CACNA2D3: variants seen among roughly 807,000 people sequenced by gnomAD.
CACNA2D3 encodes the protein voltage-dependent calcium channel subunit alpha-2/delta-3.
Under a neutral mutation model 160.6 loss-of-function variants are expected in CACNA2D3, and 60 were observed. The ratio of observed to expected loss-of-function variants is 0.37; its 90% confidence interval spans 0.30 to 0.46. The LOEUF (loss-of-function observed/expected upper bound fraction) is 0.46, where lower values mean the gene tolerates loss of function less well. Among genes scored for constraint, CACNA2D3 ranks in the 20% least tolerant of loss-of-function variants. The pLI is 1.00. For missense variants in CACNA2D3, 1,205 were observed against 1,365.0 expected (o/e 0.88, Z 1.85); for synonymous variants, 558 against 492.9 (o/e 1.13, Z -1.75).
intron 31 of CACNA2D3, among the ~76,000 whole-genome samples, chr3:54,994,663 A>G (rs1384099460): frequency 6.6e-6 from 1 of 152,228 alleles, no homozygotes; most frequent in African/African-American, 2.4e-5. Context: ...TATTCCAGGC[A>G]GTTAACATGC....
chr3:54,472,132 G>A (rs939288839), intron 4 of CACNA2D3, among the ~76,000 whole-genome samples: 4 of 152,116 alleles, frequency 2.6e-5, no homozygotes, highest in South Asian at 2.1e-4. Context: ...GATGAACATC[G>A]ATGCAAAAAT....
chr3:54,479,772 A>T (rs1700903072), intron 4 of CACNA2D3, among the ~76,000 whole-genome samples: 1 of 152,226 alleles, frequency 6.6e-6, no homozygotes, highest in African/African-American at 2.4e-5. Context: ...ATGTGGCCAA[A>T]CACTTGAAAG....
At chr3:54,596,338 A>C (rs1483900406) in intron 9 of CACNA2D3, among the ~76,000 whole-genome samples, 1 of 152,090 alleles carries the variant, frequency 6.6e-6, no homozygotes, top group African/African-American at 2.4e-5. Context: ...ATGTGCTTCC[A>C]CATGAAGCAG....
chr3:54,267,258 T>G (rs6445635), intron 2 of CACNA2D3, among the ~76,000 whole-genome samples: 2 of 151,940 alleles, frequency 1.3e-5, no homozygotes, highest in African/African-American at 4.8e-5. Flanking sequence ...AGTGTGATAT[T>G]TGAGGTATGG....
At position 54,171,136 on chromosome 3, in the gene CACNA2D3, C is replaced by CTTT. The variant is rs57761171; in HGVS notation, c.204+47562_204+47564dup. ...TCTGTTTACATTTTAAAGATGATGA[C>CTTT]TTTTTTTTTTTTTTTTTTTTTTAGG... On this transcript the variant is annotated intron_variant, in intron 2 of 37. Coordinates refer to ENST00000474759, the MANE Select transcript of CACNA2D3 (RefSeq NM_018398.3). Among the ~76,000 whole-genome samples the CTTT allele has an allele frequency of 4.3e-3, 269 of 62,538 alleles. 26 individuals carry two copies. Among genetic ancestry groups the CTTT allele is most frequent in the African/African-American group, 0.013 (230 of 18,046 alleles). 41.0% of individuals were successfully genotyped at this position (62,538 alleles called of 152,430 possible).
At chr3:54,170,479 G>C (rs958197314) in intron 2 of CACNA2D3, among the ~76,000 whole-genome samples, 1 of 152,174 alleles carries the variant, frequency 6.6e-6, no homozygotes, top group African/African-American at 2.4e-5. Context: ...GCCAGATTTA[G>C]GGCCACTCGG....
At chr3:54,792,287 C>T (rs1321285691) in intron 13 of CACNA2D3, among the ~76,000 whole-genome samples, 1 of 152,136 alleles carries the variant, frequency 6.6e-6, no homozygotes, top group East Asian at 1.9e-4. Flanking sequence ...AGCCCTCTCA[C>T]TCAGTCCCTT....
chr3:54,931,464 C>G (rs923346690), intron 27 of CACNA2D3, among the ~76,000 whole-genome samples: 2 of 152,170 alleles, frequency 1.3e-5, no homozygotes, highest in African/African-American at 4.8e-5. Flanking sequence ...TTCTCCCTCC[C>G]TCCCGTGGTG....
At chr3:54,505,713 A>G (rs546764164) in intron 5 of CACNA2D3, among the ~76,000 whole-genome samples, 67 of 152,368 alleles carry the variant, frequency 4.4e-4, no homozygotes, top group African/African-American at 1.6e-3. Context: ...AAAACAATTC[A>G]GAATGATCTT....
chr3:54,991,027 G>C (rs1458477292), intron 31 of CACNA2D3, among the ~76,000 whole-genome samples: 1 of 152,096 alleles, frequency 6.6e-6, no homozygotes, highest in Non-Finnish European at 1.5e-5. Context: ...AATAGGTTCA[G>C]CAGCATGACA....
intron 29 of CACNA2D3, among the ~76,000 whole-genome samples, chr3:54,976,941 A>G (rs1702403351): frequency 1.3e-5 from 2 of 152,218 alleles, no homozygotes; most frequent in Admixed American, 1.3e-4. Flanking sequence ...AAAAAGAACC[A>G]AATGTTTACA....
intron 35 of CACNA2D3, among the ~76,000 whole-genome samples, chr3:55,022,810 C>T (rs1318222638): frequency 1.3e-5 from 2 of 151,620 alleles, no homozygotes; most frequent in African/African-American, 2.4e-5. Context: ...CTCCTCTCTC[C>T]TCCAGAACAA....
At chr3:54,591,986 A>G (rs989696571) in intron 9 of CACNA2D3, among the ~76,000 whole-genome samples, 7 of 152,052 alleles carry the variant, frequency 4.6e-5, no homozygotes, top group Non-Finnish European at 8.8e-5. Context: ...TCCTGCCCGT[A>G]CCTTTCATCT....
intron 33 of CACNA2D3, among the ~76,000 whole-genome samples, chr3:55,008,596 A>T (rs1054878992): frequency 6.7e-6 from 1 of 149,896 alleles, no homozygotes. Flanking sequence ...AATGTAACCT[A>T]TATTAATTTA....
At chr3:54,784,576 T>C (rs568107333) in intron 13 of CACNA2D3, among the ~76,000 whole-genome samples, 2 of 152,278 alleles carry the variant, frequency 1.3e-5, no homozygotes, top group East Asian at 3.9e-4. Context: ...AAATCAGTCT[T>C]ATATTCAAAC....
chr3:54,534,703 G>A (rs1394021195), intron 5 of CACNA2D3, among the ~76,000 whole-genome samples: 1 of 152,010 alleles, frequency 6.6e-6, no homozygotes, highest in Non-Finnish European at 1.5e-5. Context: ...CTAGAGGATT[G>A]CTTGAGCCCA....
chr3:55,027,949 A>T (rs890461002), intron 35 of CACNA2D3, among the ~76,000 whole-genome samples: 3 of 152,154 alleles, frequency 2.0e-5, no homozygotes, highest in Admixed American at 2.0e-4. Context: ...TGTCATTAAC[A>T]ATCTGCCCAT....
intron 11 of CACNA2D3, among the ~76,000 whole-genome samples, chr3:54,686,631 G>C (rs1700454006): frequency 6.6e-6 from 1 of 152,132 alleles, no homozygotes; most frequent in African/African-American, 2.4e-5. Flanking sequence ...AAATCACCAG[G>C]GCTCTGCAGA....
At chr3:54,442,898 A>G (rs1407020239) in intron 4 of CACNA2D3, among the ~76,000 whole-genome samples, 3 of 152,144 alleles carry the variant, frequency 2.0e-5, no homozygotes, top group Admixed American at 6.5e-5. Context: ...TCAGAGACTA[A>G]ATGGGGACAG....
Sources: gnomAD v4.1 joint callset for allele counts (sites outside exome capture counted in the v4.1 genomes callset) on GRCh38, gnomAD v4.1.1 for gene constraint, MANE v1.5 for transcripts, NCBI Gene and HGNC (gene_info 2026-07-23, HGNC 2026-07-21) for gene names.